SLC8A1: variants seen among roughly 807,000 people sequenced by gnomAD.
SLC8A1 encodes solute carrier family 8 member A1.
A neutral mutation model predicts 68.3 loss-of-function variants in SLC8A1; 18 were observed. The ratio of observed to expected loss-of-function variants is 0.26; its 90% confidence interval spans 0.18 to 0.39. The LOEUF is 0.39. SLC8A1 is among the 10% of genes least tolerant of loss of function. SLC8A1 has a pLI of 1.00. For missense variants in SLC8A1, 985 were observed against 1,156.7 expected (o/e 0.85, Z 2.15); for synonymous variants, 475 against 415.5 (o/e 1.14, Z -1.74).
rs551229831 is a variant in SLC8A1, at chr2:40,297,482, A to AT, written c.1809-119628dup. ...GTGTAACAAAGTGGGACGATGACCC[A>AT]TTTTTTGTAACTCAGTAGTTTTCTG... is the stretch of plus-strand genomic sequence containing the variant. On this transcript the variant is annotated intron_variant, in intron 2 of 7. Transcript: ENST00000406785. 1.7e-3 allele frequency among the ~76,000 whole-genome samples: 259 copies of AT among 152,272 alleles called. 1 individual carries two copies. The highest frequency in any genetic ancestry group is 2.9e-3 in the Non-Finnish European group (200 of 68,004).
exon 8 of SLC8A1, chr2:40,101,899 A>C (rs2033913799): frequency 6.6e-6 from 1 of 152,116 alleles, no homozygotes; most frequent in South Asian, 2.1e-4. Flanking sequence ...GATAATTTGC[A>C]TGTCTAACAA....
intron 1 of SLC8A1, among the ~76,000 whole-genome samples, chr2:40,480,103 A>AT (rs1179310359): frequency 2.0e-5 from 3 of 152,110 alleles, no homozygotes; most frequent in Non-Finnish European, 2.9e-5. Flanking sequence ...TTAGATACTG[A>AT]TTTTTTCTGG....
At chr2:40,158,380 G>C (rs1204779113) in intron 6 of SLC8A1, among the ~76,000 whole-genome samples, 2 of 152,112 alleles carry the variant, frequency 1.3e-5, no homozygotes, top group Non-Finnish European at 2.9e-5. Flanking sequence ...TTAAAACATG[G>C]GTTTGACTTT....
intron 2 of SLC8A1, among the ~76,000 whole-genome samples, chr2:40,342,126 A>G (rs1026058061): frequency 6.6e-6 from 1 of 152,102 alleles, no homozygotes; most frequent in African/African-American, 2.4e-5. Context: ...ACCTAGTGAA[A>G]TTTGCCTGGT....
chr2:40,295,146 C>CTAGAGTGCAGTGGTG (rs1663322779), intron 2 of SLC8A1, among the ~76,000 whole-genome samples: 1 of 151,904 alleles, frequency 6.6e-6, no homozygotes, highest in Admixed American at 6.6e-5. Flanking sequence ...GTCACTCAGG[C>CTAGAGTGCAGTGGTG]TAGAGTGCAG....
chr2:40,181,777 A>G (rs1364261084), intron 2 of SLC8A1, among the ~76,000 whole-genome samples: 2 of 152,184 alleles, frequency 1.3e-5, no homozygotes, highest in Non-Finnish European at 2.9e-5. Flanking sequence ...CCCCTTAGCA[A>G]AGGTAGCTGA....
At chr2:40,343,341 C>T (rs1351898830) in intron 2 of SLC8A1, among the ~76,000 whole-genome samples, 1 of 152,148 alleles carries the variant, frequency 6.6e-6, no homozygotes, top group Admixed American at 6.6e-5. Context: ...GAACTTAAAA[C>T]TCAAGTTGTC....
chr2:40,178,360 G>T, intron 2 of SLC8A1, 27 bp downstream of exon 3: 1 of 1,581,582 alleles, frequency 6.3e-7, no homozygotes. Context: ...GAAGCTGTTG[G>T]GCTCAGCCCT....
intron 1 of SLC8A1, among the ~76,000 whole-genome samples, chr2:40,448,372 C>G (rs942642474): frequency 2.6e-5 from 4 of 152,140 alleles, no homozygotes; most frequent in African/African-American, 9.7e-5. Context: ...TGGACTAGTC[C>G]TGAATCCAAA....
intron 2 of SLC8A1, among the ~76,000 whole-genome samples, chr2:40,264,446 A>T (rs2065097722): frequency 6.6e-6 from 1 of 152,152 alleles, no homozygotes; most frequent in African/African-American, 2.4e-5. Flanking sequence ...ACTTGGAACC[A>T]ACCCAAATGT....
chr2:40,386,063 C>T (rs1249230038), intron 2 of SLC8A1, among the ~76,000 whole-genome samples: 1 of 151,130 alleles, frequency 6.6e-6, no homozygotes, highest in Non-Finnish European at 1.5e-5. Context: ...CAAATAAATG[C>T]TACTATGTGT....
intron 2 of SLC8A1, among the ~76,000 whole-genome samples, chr2:40,323,684 C>T (rs2075475177): frequency 6.6e-6 from 1 of 151,992 alleles, no homozygotes; most frequent in African/African-American, 2.4e-5. Context: ...ATGCCCAGTT[C>T]CTAAGGGGGG....
rs559804927 is a variant in SLC8A1, at chr2:40,480,630, G to T, written c.-25+31719C>A. ...GCCCTAACTTTGCTTAGATTAAGGA[G>T]GTTGAGTGTATCAGCTGAATCCTGA... On this transcript the variant is annotated intron_variant, in intron 1 of 7. Transcript: ENST00000402441. Among the ~76,000 whole-genome samples, 3 of 152,282 alleles carry T rather than the reference G, an allele frequency of 2.0e-5. No homozygotes were observed. In the South Asian group the frequency reaches 6.2e-4, roughly 32 times the overall value.
At chr2:40,337,114 T>C (rs970304178) in intron 2 of SLC8A1, among the ~76,000 whole-genome samples, 1 of 152,146 alleles carries the variant, frequency 6.6e-6, no homozygotes, top group Admixed American at 6.6e-5. Context: ...CATATAAGCA[T>C]GATAATTGTG....
chr2:40,200,173 G>GAGATATATATATATAGATAT (rs1553407546), intron 2 of SLC8A1, among the ~76,000 whole-genome samples: 1 of 4,754 alleles, frequency 2.1e-4, no homozygotes, highest in Non-Finnish European at 7.8e-4. Flanking sequence ...TCAAGTCATT[G>GAGATATATATATATAGATAT]ATATATATAT....
chr2:40,430,019 T>C (rs1345230389), exon 2 of SLC8A1: 1 of 1,613,888 alleles, frequency 6.2e-7, no homozygotes, highest in Non-Finnish European at 8.5e-7. Context: ...CCAAGAAACA[T>C]GTAGACCATG....
At chr2:40,248,793 G>C (rs1245908941) in intron 2 of SLC8A1, among the ~76,000 whole-genome samples, 1 of 152,162 alleles carries the variant, frequency 6.6e-6, no homozygotes, top group African/African-American at 2.4e-5. Flanking sequence ...TGGGACTACT[G>C]GCTGTTGATA....
chr2:40,127,394 C>G (rs1309720182), intron 7 of SLC8A1, among the ~76,000 whole-genome samples: 1 of 152,174 alleles, frequency 6.6e-6, no homozygotes, highest in African/African-American at 2.4e-5. Context: ...GCTGGTTCCC[C>G]TTGAGCAACC....
chr2:40,325,903 T>C (rs1227351033), intron 2 of SLC8A1, among the ~76,000 whole-genome samples: 1 of 151,022 alleles, frequency 6.6e-6, no homozygotes, highest in East Asian at 2.0e-4. Context: ...TTACCTAGAA[T>C]GGGTAAAAAG....
Sources: gnomAD v4.1 joint callset for allele counts (sites outside exome capture counted in the v4.1 genomes callset) on GRCh38, gnomAD v4.1.1 for gene constraint, MANE v1.5 for transcripts, NCBI Gene and HGNC (gene_info 2026-07-23, HGNC 2026-07-21) for gene names.